The following RIPOR3 variants were observed in gnomAD, a reference collection of about 807,000 sequenced individuals.
The protein encoded by RIPOR3 is family with sequence similarity 65 member C.
A neutral mutation model predicts 114.3 loss-of-function variants in RIPOR3; 95 were observed. The observed-to-expected ratio is 0.83, with a 90% CI of 0.70 to 0.99. The LOEUF is 0.99. Among genes scored for constraint, RIPOR3 ranks in the 50% least tolerant of loss-of-function variants. RIPOR3 has a pLI of 0.00. For missense variants in RIPOR3, 1,252 were observed against 1,266.9 expected (o/e 0.99, Z 0.18); for synonymous variants, 575 against 543.8 (o/e 1.06, Z -0.80).
chr20:50,614,649 TAATTAA>T (rs764201723), intron 4 of RIPOR3: 6 of 170,442 alleles, frequency 3.5e-5, no homozygotes, highest in Non-Finnish European at 7.3e-5. Context: ...ACAGGACACC[TAATTAA>T]AATTAAAATT....
chr20:50,630,601 G>T, intron 2 of RIPOR3, 137 bp downstream of exon 2: 1 of 519,670 alleles, frequency 1.9e-6, no homozygotes, highest in Non-Finnish European at 3.4e-6. Context: ...CTCTCTCTCT[G>T]TCTCTCTCGG....
intron 2 of RIPOR3, among the ~76,000 whole-genome samples, chr20:50,628,971 G>A (rs994039200): frequency 1.3e-5 from 2 of 152,184 alleles, no homozygotes; most frequent in Non-Finnish European, 2.9e-5. Flanking sequence ...ACACACAGGA[G>A]GGACCTGGCC....
Position 50,602,586 on chromosome 20 carries a change from G to A in RIPOR3, c.1145C>T (p.Ser382Phe). 1 of 1,521,460 alleles carries A rather than the reference G, an allele frequency of 6.6e-7. No individual in the cohort carries two copies. Among genetic ancestry groups the A allele is most frequent in the Non-Finnish European group, 8.8e-7 (1 of 1,136,846 alleles). The allele number at this position is 1,521,460 out of a possible 1,614,324, so 94.2% of individuals were successfully genotyped here. A position where few individuals can be genotyped will look rare whatever the true frequency, so the allele number is the denominator to read the frequency against. The stretch of plus-strand genomic sequence containing the variant: ...GCTGTCAGACAGGTAGCTGAGGATG[G>A]AGGTGGCCCTTGGGCCACCCAGCAG... ...ALLLGGPRAT[S>F]ILSYLSDSDL... The change falls in exon 13 of 22, where the codon TCC (serine) becomes TTC (phenylalanine). Residue 382 changes from serine (S) to phenylalanine (F), a missense_variant. Transcript: ENST00000327979. The surrounding 1 kb of genome is among the most constrained non-coding windows in gnomAD (Gnocchi z 4.3).
At chr20:50,688,107 C>G (rs1205748747) in intron 1 of RIPOR3, among the ~76,000 whole-genome samples, 1 of 152,010 alleles carries the variant, frequency 6.6e-6, no homozygotes, top group Non-Finnish European at 1.5e-5. Context: ...TTCAGAAATA[C>G]CAGTTAATAT....
At chr20:50,632,183 C>G (rs1313012920) in intron 1 of RIPOR3, among the ~76,000 whole-genome samples, 5 of 152,154 alleles carry the variant, frequency 3.3e-5, no homozygotes, top group Non-Finnish European at 7.3e-5. Context: ...TCCCCCACCC[C>G]ACAGCCCCAC....
At chr20:50,650,300 C>T (rs1322092661) in intron 1 of RIPOR3, among the ~76,000 whole-genome samples, 1 of 152,032 alleles carries the variant, frequency 6.6e-6, no homozygotes, top group African/African-American at 2.4e-5. Flanking sequence ...GGTTTGGGTT[C>T]AACATAGGAA....
chr20:50,632,810 G>A (rs113378086), intron 1 of RIPOR3, among the ~76,000 whole-genome samples: 55 of 152,350 alleles, frequency 3.6e-4, no homozygotes, highest in African/African-American at 1.3e-3. Context: ...CCCCAGCAGG[G>A]CACCTGAGCA....
At chr20:50,625,986 G>T (rs1031935512) in intron 2 of RIPOR3, among the ~76,000 whole-genome samples, 4 of 152,238 alleles carry the variant, frequency 2.6e-5, no homozygotes, top group African/African-American at 4.8e-5. Flanking sequence ...CCAGAGTAGG[G>T]GTCAAGGTGG....
intron 1 of RIPOR3, among the ~76,000 whole-genome samples, chr20:50,675,973 C>T (rs1276528266): frequency 6.6e-6 from 1 of 152,186 alleles, no homozygotes. Context: ...CTGGGTCTAC[C>T]TTATGTGGGT....
At position 50,602,139 on chromosome 20, in the gene RIPOR3, G is replaced by A. The variant is rs745685220; in HGVS notation, c.1592C>T (p.Thr531Met). The change falls in exon 13 of 22, where the codon ACG becomes ATG. Residue 531 changes from threonine to methionine, a missense_variant. Coordinates refer to ENST00000327979, the MANE Select transcript of RIPOR3 (RefSeq NM_001290268.2). This position sits in a 1 kb window ranked among gnomAD's most constrained non-coding sequence, Gnocchi z 4.3. ...CCGGAGCTGGGGCTGGGTGGAGTCC[G>A]TGGGCCTCAGCAACTCCAGGACCTC... is the stretch of plus-strand genomic sequence containing the variant. ...LQEVLELLRP[T>M]DSTQPQLREL... The A allele has an allele frequency of 1.5e-5, 24 of 1,611,074 alleles. No individual in the cohort carries two copies. The highest frequency in any genetic ancestry group is 1.9e-5 in the Non-Finnish European group (22 of 1,179,030).
chr20:50,673,247 G>A (rs556471776), intron 1 of RIPOR3, among the ~76,000 whole-genome samples: 4 of 152,152 alleles, frequency 2.6e-5, no homozygotes, highest in African/African-American at 4.8e-5. Flanking sequence ...GGTGCCACGC[G>A]CCCATGCAAT....
At chr20:50,659,857 T>G (rs928319469) in intron 1 of RIPOR3, 1 of 151,896 alleles carries the variant, frequency 6.6e-6, no homozygotes, top group Admixed American at 6.6e-5. Context: ...ACACCCTATC[T>G]CCAATCAGGT....
intron 1 of RIPOR3, among the ~76,000 whole-genome samples, chr20:50,686,331 C>T (rs1416538621): frequency 1.3e-5 from 2 of 152,056 alleles, no homozygotes; most frequent in Non-Finnish European, 1.5e-5. Flanking sequence ...GCTGGGATTA[C>T]AGGTGTGAGC....
chr20:50,609,225 C>T (rs2123057949), intron 8 of RIPOR3, 68 bp downstream of exon 8: 8 of 1,562,534 alleles, frequency 5.1e-6, no homozygotes, highest in Middle Eastern at 1.7e-4. Context: ...GGCCAATTCC[C>T]GTGCCCCTCA....
chr20:50,623,521 G>T lies in RIPOR3; in HGVS notation c.123-3389C>A, dbSNP rs1260173951. On this transcript the variant is annotated intron_variant, in intron 2 of 21. Transcript: ENST00000327979. ...TTGACCCAGGCAGAAGTGGGAGTCT[G>T]CAGAGGGGCCTGGACCTGGGGCCTC... is the stretch of plus-strand genomic sequence containing the variant. 1.1e-4 allele frequency among the ~76,000 whole-genome samples: 17 copies of T among 152,150 alleles called. No homozygotes were observed. The East Asian group carries it at 3.3e-3, about 29-fold the overall frequency.
At chr20:50,590,049 T>G (rs549164783) in intron 19 of RIPOR3, 1 of 340,446 alleles carries the variant, frequency 2.9e-6, no homozygotes, top group East Asian at 6.3e-5. Context: ...CTGAAACTGC[T>G]GTCTATAAAA....
chr20:50,671,150 G>A (rs907160455), intron 1 of RIPOR3, among the ~76,000 whole-genome samples: 2 of 151,974 alleles, frequency 1.3e-5, no homozygotes, highest in African/African-American at 4.8e-5. Context: ...GTTGTTTAGG[G>A]TTATTTTTAG....
chr20:50,642,345 GGTGTGTGTGTGTGTGTGT>G (rs71190581), intron 1 of RIPOR3, among the ~76,000 whole-genome samples: 8 of 96,438 alleles, frequency 8.3e-5, no homozygotes, highest in African/African-American at 3.5e-4. Flanking sequence ...GTTCTCTGTG[GGTGTGTGTGTGTGTGTGT>G]GTGTGTGTGT....
intron 1 of RIPOR3, among the ~76,000 whole-genome samples, chr20:50,682,018 A>G (rs1257814544): frequency 1.3e-5 from 2 of 152,180 alleles, no homozygotes; most frequent in Non-Finnish European, 2.9e-5. Context: ...TGGCTTGTGA[A>G]TTGGTACAAC....
Sources: gnomAD v4.1 joint callset for allele counts (sites outside exome capture counted in the v4.1 genomes callset) on GRCh38, gnomAD v4.1.1 for gene constraint, Gnocchi (gnomAD v3.1) non-coding constraint, MANE v1.5 for transcripts, NCBI Gene and HGNC (gene_info 2026-07-23, HGNC 2026-07-21) for gene names.